FSTL4: variants seen among roughly 807,000 people sequenced by gnomAD.
The protein encoded by FSTL4 is follistatin-related protein 4.
A neutral mutation model predicts 78.2 loss-of-function variants in FSTL4; 28 were observed. The observed-to-expected ratio is 0.36, with a 90% CI of 0.27 to 0.49. FSTL4 has a LOEUF of 0.49. Among genes scored for constraint, FSTL4 ranks in the 20% least tolerant of loss-of-function variants. The pLI is 0.98. For missense variants in FSTL4, 922 were observed against 1,084.9 expected (o/e 0.85, Z 2.11); for synonymous variants, 422 against 440.5 (o/e 0.96, Z 0.53).
At chr5:133,653,126 G>A in the FSTL4 span, among the ~76,000 whole-genome samples, 10 of 152,146 alleles carry the variant, frequency 6.6e-5, no homozygotes, top group African/African-American at 2.4e-4. Context: ...CAGAGCCCAG[G>A]CATGCTGAGT....
At chr5:133,213,013 A>ATTT (rs530591042) in intron 13 of FSTL4, among the ~76,000 whole-genome samples, 10 of 141,400 alleles carry the variant, frequency 7.1e-5, no homozygotes, top group African/African-American at 2.6e-4. Context: ...GAAAGTAAAG[A>ATTT]TTTTTTTTTT....
intron 3 of FSTL4, among the ~76,000 whole-genome samples, chr5:133,461,747 T>A: frequency 6.6e-6 from 1 of 152,240 alleles, no homozygotes; most frequent in Non-Finnish European, 1.5e-5. Context: ...TTTATACCAT[T>A]TATATGATTT....
the FSTL4 span, among the ~76,000 whole-genome samples, chr5:133,739,706 G>A: frequency 2.0e-5 from 3 of 152,296 alleles, no homozygotes; most frequent in Admixed American, 6.5e-5. Context: ...TGCTAAACAC[G>A]TTGCATACAC....
chr5:133,525,436 G>T (rs2112902588), intron 3 of FSTL4, among the ~76,000 whole-genome samples: 2 of 152,290 alleles, frequency 1.3e-5, no homozygotes, highest in East Asian at 3.9e-4. Flanking sequence ...TAAATTAGGG[G>T]CATTGAAACC....
chr5:133,636,112 G>C, the FSTL4 span, among the ~76,000 whole-genome samples: 1 of 152,136 alleles, frequency 6.6e-6, no homozygotes, highest in African/African-American at 2.4e-5. Context: ...CAACCTTAAG[G>C]GGTTGTTAGG....
chr5:133,385,313 C>T lies in FSTL4; in HGVS notation c.409+15425G>A, dbSNP rs866663293. On this transcript the variant is annotated intron_variant, in intron 4 of 15. Coordinates refer to ENST00000265342, the MANE Select transcript of FSTL4 (RefSeq NM_015082.2). ...GTGAAACACAAGAATGAAACTTGATCGGTGCAGTGTTGAAAACAGGGACCA... is the reference window on the plus strand; with the variant it reads ...GTGAAACACAAGAATGAAACTTGATTGGTGCAGTGTTGAAAACAGGGACCA... Among the ~76,000 whole-genome samples the T allele has an allele frequency of 1.4e-4, 21 of 152,346 alleles. No individual in the cohort carries two copies. The South Asian group carries it at 1.4e-3, about 11-fold the overall frequency.
the FSTL4 span, among the ~76,000 whole-genome samples, chr5:133,679,922 G>A: frequency 6.6e-6 from 1 of 152,056 alleles, no homozygotes; most frequent in African/African-American, 2.4e-5. Flanking sequence ...ACTCTCCCAA[G>A]AAGTCCACCC....
At chr5:133,834,620 A>G in the FSTL4 span, among the ~76,000 whole-genome samples, 1 of 152,186 alleles carries the variant, frequency 6.6e-6, no homozygotes, top group South Asian at 2.1e-4. Flanking sequence ...AAATGGAAGT[A>G]GTTATCTCTA....
chr5:133,679,337 C>A, the FSTL4 span, among the ~76,000 whole-genome samples: 2 of 152,158 alleles, frequency 1.3e-5, no homozygotes, highest in East Asian at 1.9e-4. Context: ...CATTTAGGGA[C>A]CAGCCAAGTT....
the FSTL4 span, among the ~76,000 whole-genome samples, chr5:133,743,390 T>A: frequency 6.6e-6 from 1 of 152,246 alleles, no homozygotes; most frequent in South Asian, 2.1e-4. Context: ...GTGGTTCTGG[T>A]ACGGTACCTT....
At chr5:133,490,336 T>TG (rs1383777130) in intron 3 of FSTL4, among the ~76,000 whole-genome samples, 1 of 152,128 alleles carries the variant, frequency 6.6e-6, no homozygotes, top group African/African-American at 2.4e-5. Context: ...AAGCGTTTAC[T>TG]GCCAGTCTTG....
At chr5:133,203,012 C>T (rs1220790987) in intron 14 of FSTL4, among the ~76,000 whole-genome samples, 1 of 152,192 alleles carries the variant, frequency 6.6e-6, no homozygotes, top group Non-Finnish European at 1.5e-5. Flanking sequence ...GCTGGGCAGC[C>T]CCTCTGTCAG....
the FSTL4 span, among the ~76,000 whole-genome samples, chr5:133,760,834 A>G: frequency 7.2e-5 from 11 of 152,238 alleles, no homozygotes; most frequent in African/African-American, 2.7e-4. Flanking sequence ...TTGCTCAGCC[A>G]TGGTGGCTTG....
chr5:133,327,428 C>T (rs73282050), intron 4 of FSTL4, among the ~76,000 whole-genome samples: 1 of 152,168 alleles, frequency 6.6e-6, no homozygotes, highest in African/African-American at 2.4e-5. Context: ...CTTACCTTCC[C>T]CCTACCTGAC....
chr5:133,213,776 A>T (rs1186365128), intron 13 of FSTL4, among the ~76,000 whole-genome samples: 3 of 152,208 alleles, frequency 2.0e-5, no homozygotes, highest in African/African-American at 7.2e-5. Context: ...AATTATGTTA[A>T]ACATAAATGT....
At chr5:133,453,671 G>A (rs1757426295) in intron 3 of FSTL4, among the ~76,000 whole-genome samples, 1 of 152,178 alleles carries the variant, frequency 6.6e-6, no homozygotes, top group African/African-American at 2.4e-5. Context: ...TGGGTCTGTG[G>A]CTGGGAGCCA....
chr5:133,296,197 T>C (rs756647631), intron 6 of FSTL4, among the ~76,000 whole-genome samples: 3 of 152,152 alleles, frequency 2.0e-5, no homozygotes, highest in African/African-American at 7.2e-5. Flanking sequence ...TCTTTTCTAA[T>C]AACCACATGC....
At chr5:133,461,352 T>C (rs928300890) in intron 3 of FSTL4, among the ~76,000 whole-genome samples, 11 of 152,226 alleles carry the variant, frequency 7.2e-5, no homozygotes, top group Admixed American at 2.6e-4. Context: ...GACTGTCACA[T>C]TTTTGGCATT....
the FSTL4 span, among the ~76,000 whole-genome samples, chr5:133,765,246 G>A: frequency 6.6e-6 from 1 of 152,186 alleles, no homozygotes; most frequent in Admixed American, 6.5e-5. Flanking sequence ...TAAAGCATAA[G>A]GTTTCTATTT....
Sources: allele counts gnomAD v4.1 joint callset (sites outside exome capture counted in the v4.1 genomes callset), GRCh38; gene constraint gnomAD v4.1.1; transcripts MANE v1.5; gene names NCBI Gene and HGNC (gene_info 2026-07-23, HGNC 2026-07-21).